The following EYS variants were observed in gnomAD, a reference collection of about 807,000 sequenced individuals.
EYS encodes the protein protein eyes shut homolog.
In EYS, 250 loss-of-function variants were observed where a neutral mutation model predicts 282.1. The observed-to-expected ratio is 0.89, with a 90% confidence interval of 0.80 to 0.98. The LOEUF is 0.98. Ranked by LOEUF, EYS falls within the 50% of genes least tolerant of loss-of-function variation. The pLI is 0.00. For synonymous variants in EYS, 1,355 were observed against 1,282.9 expected (o/e 1.06, Z -1.20); for missense variants, 4,016 against 3,709.0 (o/e 1.08, Z -2.15).
intron 35 of EYS, among the ~76,000 whole-genome samples, chr6:63,899,175 A>C (rs749490543): frequency 1.5e-4 from 23 of 152,200 alleles, no homozygotes; most frequent in Non-Finnish European, 3.2e-4. Flanking sequence ...AAGTACCTTT[A>C]ACCTCTAAAC....
At chr6:65,014,462 A>G (rs888706057) in intron 13 of EYS, among the ~76,000 whole-genome samples, 1 of 149,126 alleles carries the variant, frequency 6.7e-6, no homozygotes, top group South Asian at 2.1e-4. Flanking sequence ...CTTCAGTGCT[A>G]TTGGAAAGCC....
intron 13 of EYS, among the ~76,000 whole-genome samples, chr6:65,017,600 C>T (rs1468664098): frequency 6.6e-6 from 1 of 152,122 alleles, no homozygotes; most frequent in Non-Finnish European, 1.5e-5. Context: ...GACCCTGGTG[C>T]TTTTCTTTTG....
intron 22 of EYS, among the ~76,000 whole-genome samples, chr6:64,649,497 A>C (rs1252684007): frequency 6.6e-6 from 1 of 151,898 alleles, no homozygotes; most frequent in African/African-American, 2.4e-5. Context: ...CTGCCACTAC[A>C]CCTGGCTAGT....
At chr6:63,871,598 G>A (rs1772806758) in intron 35 of EYS, among the ~76,000 whole-genome samples, 1 of 152,104 alleles carries the variant, frequency 6.6e-6, no homozygotes, top group Admixed American at 6.5e-5. Context: ...GGAGGTGGAG[G>A]TTTCAGTGAG....
At chr6:65,262,205 G>C (rs953798387) in intron 12 of EYS, among the ~76,000 whole-genome samples, 1 of 152,034 alleles carries the variant, frequency 6.6e-6, no homozygotes, top group Admixed American at 6.6e-5. Context: ...CAATTAGCCA[G>C]TGATATTTGT....
chr6:64,096,801 G>T (rs1225378654), intron 31 of EYS, among the ~76,000 whole-genome samples: 1 of 152,206 alleles, frequency 6.6e-6, no homozygotes, highest in East Asian at 1.9e-4. Flanking sequence ...GTGACGAGCT[G>T]CATTCCTTTG....
At chr6:64,502,031 T>A (rs1297444360) in intron 26 of EYS, among the ~76,000 whole-genome samples, 5 of 152,198 alleles carry the variant, frequency 3.3e-5, no homozygotes. Flanking sequence ...CATAGGGCTG[T>A]CATAAATGTC....
chr6:65,672,321 A>G (rs1449062782), intron 1 of EYS, among the ~76,000 whole-genome samples: 2 of 152,176 alleles, frequency 1.3e-5, no homozygotes, highest in Non-Finnish European at 2.9e-5. Context: ...TTACAGTAAC[A>G]TCAAAGGATC....
At chr6:65,606,044 T>G (rs551905105) in intron 2 of EYS, among the ~76,000 whole-genome samples, 115 of 151,776 alleles carry the variant, frequency 7.6e-4, no homozygotes, top group Non-Finnish European at 1.4e-3. Context: ...ATTAATATTC[T>G]TAAAGTACTG....
intron 35 of EYS, among the ~76,000 whole-genome samples, chr6:63,931,553 A>G (rs1024721949): frequency 6.6e-6 from 1 of 152,216 alleles, no homozygotes; most frequent in Non-Finnish European, 1.5e-5. Flanking sequence ...CCTTTCAGGA[A>G]GTACATGGTT....
At chr6:63,996,054 C>A (rs1342371915) in intron 34 of EYS, among the ~76,000 whole-genome samples, 3 of 151,480 alleles carry the variant, frequency 2.0e-5, no homozygotes, top group African/African-American at 7.3e-5. Flanking sequence ...CTACATTGTA[C>A]CTGATAAATA....
chr6:64,698,602 A>G (rs1400355041), intron 22 of EYS, among the ~76,000 whole-genome samples: 2 of 152,192 alleles, frequency 1.3e-5, no homozygotes, highest in Admixed American at 1.3e-4. Context: ...AAGGTCTAAT[A>G]TGGACCGTCT....
intron 35 of EYS, among the ~76,000 whole-genome samples, chr6:63,954,216 C>T (rs1295207543): frequency 6.6e-6 from 1 of 152,194 alleles, no homozygotes; most frequent in African/African-American, 2.4e-5. Flanking sequence ...CTTTTCCTCA[C>T]CCTGATCACA....
At chr6:64,561,919 CAAAAA>C (rs57111776) in intron 26 of EYS, among the ~76,000 whole-genome samples, 1 of 87,170 alleles carries the variant, frequency 1.1e-5, no homozygotes, top group Non-Finnish European at 2.2e-5. Context: ...CACATGGAAC[CAAAAA>C]AAAAAAAAAA....
At chr6:65,441,029 C>T (rs1405840955) in intron 5 of EYS, among the ~76,000 whole-genome samples, 3 of 148,530 alleles carry the variant, frequency 2.0e-5, no homozygotes, top group South Asian at 2.1e-4. Context: ...ATCATAGGAA[C>T]TAAATATATG....
chr6:64,758,942 T>C (rs1287011199), intron 22 of EYS, among the ~76,000 whole-genome samples: 1 of 152,076 alleles, frequency 6.6e-6, no homozygotes, highest in Non-Finnish European at 1.5e-5. Context: ...ATAGAGACCA[T>C]CCTGGCTAAC....
intron 19 of EYS, among the ~76,000 whole-genome samples, chr6:64,843,432 G>GA (rs1204213838): frequency 6.6e-6 from 1 of 152,184 alleles, no homozygotes; most frequent in Non-Finnish European, 1.5e-5. Flanking sequence ...CACAGGGGCA[G>GA]AACTGCCCAA....
rs1381182480 is a variant in EYS at position 64,591,827 on chromosome 6, G to A, written c.4040C>T (p.Ser1347Phe). The A allele has an allele frequency of 3.9e-6, 6 of 1,551,166 alleles. No homozygotes were observed. Among genetic ancestry groups the A allele is most frequent in the South Asian group, 3.6e-5 (3 of 84,058 alleles). The change falls in exon 26 of 43, where the codon TCT (serine) becomes TTT (phenylalanine). Residue 1347 changes from serine to phenylalanine, a missense_variant. By Grantham distance (155) the Ser-to-Phe change is radical. Coordinates refer to ENST00000503581, the MANE Select transcript of EYS (RefSeq NM_001142800.2). ...AATACCAAAATTCAGGAATCGAGAA[G>A]AGGAAACATCTGCGGAAGAAAGAAG... ...HSLLSSADVS[S>F]SRFLNFGIRD...
intron 12 of EYS, among the ~76,000 whole-genome samples, chr6:65,280,664 TA>T (rs1768190881): frequency 6.6e-6 from 1 of 151,934 alleles, no homozygotes; most frequent in South Asian, 2.1e-4. Flanking sequence ...CACATACTTG[TA>T]ATGTAAAATT....
Sources: allele counts gnomAD v4.1 joint callset (sites outside exome capture counted in the v4.1 genomes callset), GRCh38; gene constraint gnomAD v4.1.1; transcripts MANE v1.5; gene names NCBI Gene and HGNC (gene_info 2026-07-23, HGNC 2026-07-21).